SMG7: variants seen among roughly 807,000 people sequenced by gnomAD.
SMG7 encodes the protein nonsense-mediated mRNA decay factor SMG7.
Under a neutral mutation model 148.2 loss-of-function variants are expected in SMG7, and 34 were observed. That is an observed-to-expected ratio of 0.23 (90% CI 0.17 to 0.31). SMG7 has a LOEUF of 0.31. Ranked by LOEUF, SMG7 falls within the 10% of genes least tolerant of loss-of-function variation. The probability of loss-of-function intolerance (pLI) is 1.00; values close to 1 mark genes in which losing one functional copy is unlikely to be tolerated. For missense variants in SMG7, 1,114 were observed against 1,408.4 expected (o/e 0.79, Z 3.35); for synonymous variants, 492 against 515.1 (o/e 0.96, Z 0.61).
In SMG7 at chr1:183,542,030, T is replaced by A; in HGVS notation, c.1416-46T>A. The A allele has an allele frequency of 4.0e-6, 6 of 1,488,422 alleles. 1 individual carries two copies. The South Asian group carries it at 7.4e-5, about 18-fold the overall frequency. The allele number at this position is 1,488,422 out of a possible 1,614,324, so 92.2% of individuals were successfully genotyped here. A position where few individuals can be genotyped will look rare whatever the true frequency, so the allele number is the denominator to read the frequency against. ...TCCACACACAATTCAGTTGTTATTTTTTAAGTTAATGTTTTTTATATATGG... is the reference window on the plus strand; with the variant it reads ...TCCACACACAATTCAGTTGTTATTTATTAAGTTAATGTTTTTTATATATGG... On this transcript the variant is annotated intron_variant, in intron 13 of 22. Coordinates refer to ENST00000688051, the MANE Select transcript of SMG7 (RefSeq NM_001375584.1).
intron 10 of SMG7, 143 bp from the exon 11 acceptor site, chr1:183,537,002 T>G: frequency 1.7e-6 from 1 of 578,932 alleles, no homozygotes; most frequent in East Asian, 2.9e-5. Context: ...AGTACATTTT[T>G]AAAAATTATA....
chr1:183,498,928 C>T (rs1264111357), intron 1 of SMG7, among the ~76,000 whole-genome samples: 1 of 152,226 alleles, frequency 6.6e-6, no homozygotes, highest in Non-Finnish European at 1.5e-5. Context: ...CTCTTCCCCT[C>T]CAACTCCTGG....
At chr1:183,539,309 C>T (rs1301372997) in intron 12 of SMG7, among the ~76,000 whole-genome samples, 2 of 152,154 alleles carry the variant, frequency 1.3e-5, no homozygotes, top group South Asian at 2.1e-4. Flanking sequence ...TTGAGTCCGT[C>T]GATTTCCTTC....
chr1:183,519,576 ATTTGT>A (rs1251471358), intron 4 of SMG7, among the ~76,000 whole-genome samples: 6 of 152,038 alleles, frequency 3.9e-5, no homozygotes, highest in African/African-American at 1.4e-4. Flanking sequence ...TAGTAAGTAT[ATTTGT>A]TTTCTTTTCT....
At chr1:183,508,157 T>A in intron 1 of SMG7, 1 of 972,680 alleles carries the variant, frequency 1.0e-6, no homozygotes, top group Non-Finnish European at 1.2e-6. Flanking sequence ...TGATGGTTTT[T>A]ATAACAAAAC....
rs572350391 is a variant in SMG7 at position 183,552,086 on chromosome 1, C to T, written c.*155C>T. ...ATTCCACCAGCCCGCTGAGTGTGCACGAAATGTTCGCAGTGCAACAAAAAG... is the reference window on the plus strand; with the variant it reads ...ATTCCACCAGCCCGCTGAGTGTGCATGAAATGTTCGCAGTGCAACAAAAAG... On this transcript the variant is annotated 3_prime_UTR_variant, in exon 23 of 23. Transcript: ENST00000688051. The T allele has an allele frequency of 9.9e-6, 13 of 1,319,426 alleles. No individual in the cohort carries two copies. Among genetic ancestry groups the T allele is most frequent in the East Asian group, 2.8e-5 (1 of 35,168 alleles). The allele number at this position is 1,319,426 out of a possible 1,614,324, so 81.7% of individuals were successfully genotyped here.
chr1:183,491,296 A>G (rs1238248720), intron 1 of SMG7, among the ~76,000 whole-genome samples: 2 of 152,214 alleles, frequency 1.3e-5, no homozygotes, highest in Non-Finnish European at 2.9e-5. Flanking sequence ...TCCTTTGTTT[A>G]CTGCTGAATA....
At chr1:183,472,872 C>T in intron 1 of SMG7, 1 of 404,868 alleles carries the variant, frequency 2.5e-6, no homozygotes, top group Non-Finnish European at 4.3e-6. Flanking sequence ...CCGGCTCGTC[C>T]CGGTGCGAGG....
At chr1:183,529,580 G>A (rs761468569) in intron 8 of SMG7, 47 bp downstream of exon 8, 5 of 1,537,806 alleles carry the variant, frequency 3.3e-6, no homozygotes, top group South Asian at 1.2e-5. Flanking sequence ...AAATCAGGAA[G>A]CATAACATTT....
At chr1:183,491,531 T>G (rs1350771359) in intron 1 of SMG7, among the ~76,000 whole-genome samples, 2 of 152,220 alleles carry the variant, frequency 1.3e-5, no homozygotes, top group Non-Finnish European at 2.9e-5. Context: ...ATATATACAC[T>G]CGGGTACATA....
chr1:183,540,756 A>G (rs1430163489), intron 12 of SMG7, among the ~76,000 whole-genome samples: 3 of 152,240 alleles, frequency 2.0e-5, no homozygotes, highest in Non-Finnish European at 2.9e-5. Context: ...ATGTGAGTAA[A>G]AATATTACAT....
In SMG7 at chr1:183,546,275, G is replaced by T; in HGVS notation, c.2680G>T (p.Gly894Cys). ...ACAGCAAGCAAACATAGACCGCAGG[G>T]GCAAACGGTCACCAGGAGTCTTCCG... The part of the protein sequence containing the change: ...MAQQANIDRR[G>C]KRSPGVFRPE... The change falls in exon 17 of 23, where the codon GGC becomes TGC. Residue 894 changes from glycine (G) to cysteine (C), a missense_variant. By Grantham distance (159) the Gly-to-Cys change is radical. Coordinates refer to ENST00000688051, the MANE Select transcript of SMG7 (RefSeq NM_001375584.1). The T allele has an allele frequency of 6.2e-7, 1 of 1,613,966 alleles. No individual in the cohort carries two copies. The highest frequency in any genetic ancestry group is 8.5e-7 in the Non-Finnish European group (1 of 1,179,940).
At chr1:183,522,782 T>G (rs1038308028) in intron 4 of SMG7, among the ~76,000 whole-genome samples, 2 of 143,274 alleles carry the variant, frequency 1.4e-5, no homozygotes, top group African/African-American at 5.1e-5. Context: ...TAGTTTTTTG[T>G]TTTTTTTTTT....
At chr1:183,507,457 AC>A (rs1661178436) in intron 1 of SMG7, among the ~76,000 whole-genome samples, 1 of 152,104 alleles carries the variant, frequency 6.6e-6, no homozygotes. Flanking sequence ...TAGGAGTTAT[AC>A]TCTGGAGCCA....
rs554658365 is a variant in SMG7 at position 183,481,707 on chromosome 1, A to G, written c.29+9058A>G. ...CACAAATATTTCAATATAATGTAGT[A>G]AATACAGTGTGAAATGTTTTCAAGG... On this transcript the variant is annotated intron_variant, in intron 1 of 22. Transcript: ENST00000688051. Among the ~76,000 whole-genome samples, 9 of 152,320 alleles carry G rather than the reference A, an allele frequency of 5.9e-5. No homozygotes were observed. In the South Asian group the frequency reaches 1.9e-3, roughly 32 times the overall value.
At chr1:183,546,360 A>G (rs2102782812) in intron 17 of SMG7, 23 bp downstream of exon 17, 1 of 1,586,778 alleles carries the variant, frequency 6.3e-7, no homozygotes, top group Non-Finnish European at 8.6e-7. Context: ...TCCTATCACC[A>G]GGCAATTTGG....
In SMG7 at chr1:183,472,534, C is replaced by T; in HGVS notation, c.-87C>T. ...AGGAGAGGAAGATGGCGGCGGCCGC[C>T]AGCACCCGCGGTGCCGCGGGGCCGC... is the stretch of plus-strand genomic sequence containing the variant. On this transcript the variant is annotated 5_prime_UTR_variant, in exon 1 of 23. Coordinates refer to ENST00000688051, the MANE Select transcript of SMG7 (RefSeq NM_001375584.1). 5.4e-6 allele frequency: 7 copies of T among 1,291,940 alleles called. No homozygotes were observed. Among genetic ancestry groups the T allele is most frequent in the East Asian group, 3.0e-5 (1 of 33,304 alleles). 80.0% of individuals were successfully genotyped at this position (1,291,940 alleles called of 1,614,324 possible). A position where few individuals can be genotyped will look rare whatever the true frequency, so the allele number is the denominator to read the frequency against.
At position 183,526,279 on chromosome 1, in the gene SMG7, G is replaced by T. The variant is rs2102573530; in HGVS notation, c.313-317G>T. ...TTCTTGTGCCTCAGCCTCCCTTGTA[G>T]CTGAGACTACAGGTGCTCACCACCA... is the stretch of plus-strand genomic sequence containing the variant. On this transcript the variant is annotated intron_variant, in intron 4 of 22. Coordinates refer to ENST00000688051, the MANE Select transcript of SMG7 (RefSeq NM_001375584.1). Among the ~76,000 whole-genome samples the T allele has an allele frequency of 1.3e-5, 2 of 151,604 alleles. 1 individual carries two copies. Among genetic ancestry groups the T allele is most frequent in the South Asian group, 4.2e-4 (2 of 4,794 alleles).
At chr1:183,502,740 TG>T (rs1000728272) in intron 1 of SMG7, among the ~76,000 whole-genome samples, 18 of 152,178 alleles carry the variant, frequency 1.2e-4, no homozygotes, top group Non-Finnish European at 2.2e-4. Context: ...AAAGTTTCTG[TG>T]GTTTTTTTAC....
Sources: allele counts gnomAD v4.1 joint callset (sites outside exome capture counted in the v4.1 genomes callset), GRCh38; gene constraint gnomAD v4.1.1; transcripts MANE v1.5; gene names NCBI Gene and HGNC (gene_info 2026-07-23, HGNC 2026-07-21).